The following RAI1 variants were observed in gnomAD, a reference collection of about 807,000 sequenced individuals.
The protein encoded by RAI1 is retinoic acid induced 1.
Under a neutral mutation model 123.8 loss-of-function variants are expected in RAI1, and 9 were observed. That is an observed-to-expected ratio of 0.07 (90% confidence interval 0.04 to 0.13). The LOEUF (loss-of-function observed/expected upper bound fraction) is 0.13, where lower values mean the gene tolerates loss of function less well. RAI1 is among the 10% of genes least tolerant of loss of function. The pLI is 1.00. For synonymous variants in RAI1, 1,231 were observed against 1,127.3 expected, an observed-to-expected ratio of 1.09 and a Z score of -1.84; for missense variants, 2,256 against 2,545.8, an observed-to-expected ratio of 0.89 and a Z score of 2.45.
intron 1 of RAI1, among the ~76,000 whole-genome samples, chr17:17,722,373 A>G (rs1915909025): frequency 6.6e-6 from 1 of 152,182 alleles, no homozygotes; most frequent in Non-Finnish European, 1.5e-5. Context: ...CGCCAGCTGC[A>G]CTCAGAACCC....
chr17:17,691,389 C>T (rs373602353), intron 1 of RAI1, among the ~76,000 whole-genome samples: 1 of 152,146 alleles, frequency 6.6e-6, no homozygotes, highest in South Asian at 2.1e-4. Context: ...AGCCCCTGCC[C>T]GTTTGAAGCA....
At chr17:17,789,621 T>C (rs1598083799) in intron 2 of RAI1, among the ~76,000 whole-genome samples, 3 of 152,322 alleles carry the variant, frequency 2.0e-5, no homozygotes, top group Middle Eastern at 6.8e-3. Context: ...TCATGCTCCC[T>C]GCTGTGCCTG....
intron 4 of RAI1, among the ~76,000 whole-genome samples, chr17:17,806,185 A>G (rs1011533324): frequency 1.3e-5 from 2 of 152,250 alleles, no homozygotes; most frequent in East Asian, 3.9e-4. Context: ...GGAGAAATCT[A>G]GGAAGACTTC....
chr17:17,722,423 C>T (rs1332986176), intron 1 of RAI1, among the ~76,000 whole-genome samples: 1 of 152,182 alleles, frequency 6.6e-6, no homozygotes, highest in Non-Finnish European at 1.5e-5. Flanking sequence ...TAATTACGTG[C>T]CCCCAGGGCT....
At chr17:17,781,390 G>A (rs1245578579) in intron 2 of RAI1, among the ~76,000 whole-genome samples, 1 of 152,224 alleles carries the variant, frequency 6.6e-6, no homozygotes, top group Non-Finnish European at 1.5e-5. Context: ...GCCCCAGGGG[G>A]GCCTCTGAGC....
Position 17,795,618 on chromosome 17 carries a change from G to A in RAI1, c.2670G>A (p.Pro890=), listed in dbSNP as rs373604738. ...SPEQRPGMQD[P]LSPKAPLICT... ...AGCAGAGGCCTGGCATGCAGGACCC[G>A]CTGTCACCCAAGGCCCCACTCATCT... The change falls in exon 3 of 6, where the codon CCG becomes CCA. Residue 890 remains proline (P), a synonymous_variant. Transcript: ENST00000353383. The surrounding 1 kb of genome is among the most constrained non-coding windows in gnomAD (Gnocchi z 5.9). 17 of 1,612,970 alleles carry A rather than the reference G, an allele frequency of 1.1e-5. No individual in the cohort carries two copies. The highest frequency in any genetic ancestry group is 4.0e-5 in the African/African-American group (3 of 74,918).
chr17:17,757,851 C>T (rs1375483960), intron 2 of RAI1, among the ~76,000 whole-genome samples: 5 of 152,198 alleles, frequency 3.3e-5, no homozygotes, highest in African/African-American at 1.2e-4. Flanking sequence ...AGTTTCCCCT[C>T]CCATGGAACA....
Position 17,753,074 on chromosome 17 carries a change from C to T in RAI1, c.-17+28915C>T, listed in dbSNP as rs570403243. On this transcript the variant is annotated intron_variant, in intron 2 of 5. Coordinates refer to ENST00000353383, the MANE Select transcript of RAI1 (RefSeq NM_030665.4). ...CAGACCCAGACACAGAAGAGTTTGT[C>T]TCCAAAGCCAGGGCACTGGGTCAGT... Among the ~76,000 whole-genome samples, 4 of 152,338 alleles carry T rather than the reference C, an allele frequency of 2.6e-5. No homozygotes were observed. The East Asian group carries it at 5.8e-4, about 22-fold the overall frequency.
At chr17:17,721,528 G>C (rs532384420) in intron 1 of RAI1, among the ~76,000 whole-genome samples, 1 of 152,320 alleles carries the variant, frequency 6.6e-6, no homozygotes, top group East Asian at 1.9e-4. Flanking sequence ...GGGGCAACAG[G>C]CTGGGACTGA....
rs998467869 is a variant in RAI1, at chr17:17,809,972, G to C, written c.5712G>C (p.Arg1904Ser). The change falls in exon 6 of 6, where the codon AGG becomes AGC. Residue 1904 changes from arginine (R) to serine (S), a missense_variant and splice_region_variant. By Grantham distance (110) the Arg-to-Ser change is moderately radical. Coordinates refer to ENST00000353383, the MANE Select transcript of RAI1 (RefSeq NM_030665.4). This position sits in a 1 kb window ranked among gnomAD's most constrained non-coding sequence, Gnocchi z 4.9. Reference protein sequence around the residue: ...NFSLKCPKHKRLP With the variant: ...NFSLKCPKHKSLP ...TGGCGGGCGGGCGTCTTTTGCAGAG[G>C]CTGCCGTAGTAATCCACCCCAACGG... is the stretch of plus-strand genomic sequence containing the variant. 1 of 1,553,666 alleles carries C rather than the reference G, an allele frequency of 6.4e-7. No homozygotes were observed. Among genetic ancestry groups the C allele is most frequent in the African/African-American group, 1.4e-5 (1 of 73,322 alleles).
At chr17:17,781,771 G>GGT (rs2031589625) in intron 2 of RAI1, among the ~76,000 whole-genome samples, 2 of 152,250 alleles carry the variant, frequency 1.3e-5, no homozygotes, top group African/African-American at 2.4e-5. Flanking sequence ...CTGTTTAAAT[G>GGT]GTGTGTTTGT....
chr17:17,751,129 C>A (rs1307578599), intron 2 of RAI1, among the ~76,000 whole-genome samples: 5 of 152,308 alleles, frequency 3.3e-5, no homozygotes, highest in African/African-American at 1.2e-4. Context: ...GCCCTCCATG[C>A]AGGAAAGCGG....
rs2032536690 is a variant in RAI1, at chr17:17,803,773, A to G, written c.5583A>G (p.Gln1861=). The G allele has an allele frequency of 6.2e-7, 1 of 1,613,326 alleles. No homozygotes were observed. Among genetic ancestry groups the G allele is most frequent in the African/African-American group, 1.3e-5 (1 of 74,920 alleles). The change falls in exon 4 of 6, where the codon CAA becomes CAG. Residue 1861 remains glutamine, a synonymous_variant. Transcript: ENST00000353383. ...VAVDMMCSSC[Q]EAGATIGCCH... is the part of the protein sequence containing the mutation. Reference sequence around the variant, plus strand: ...TTCATCAGATGTGTTCCAGCTGCCAAGAAGCCGGGGCCACCATTGGGTGCT... The same window carrying G: ...TTCATCAGATGTGTTCCAGCTGCCAGGAAGCCGGGGCCACCATTGGGTGCT...
At chr17:17,698,406 T>C (rs1480624616) in intron 1 of RAI1, among the ~76,000 whole-genome samples, 1 of 152,058 alleles carries the variant, frequency 6.6e-6, no homozygotes. Flanking sequence ...GTTGTCTCTG[T>C]CCCCCATCTA....
chr17:17,771,358 C>G (rs1024934437), intron 2 of RAI1, among the ~76,000 whole-genome samples: 8 of 152,156 alleles, frequency 5.3e-5, no homozygotes, highest in Admixed American at 3.9e-4. Context: ...ATGAAAGGCC[C>G]GACTAGCTGT....
At position 17,714,158 on chromosome 17, in the gene RAI1, T is replaced by C. The variant is rs1401175094; in HGVS notation, c.-148-9870T>C. The stretch of plus-strand genomic sequence containing the variant: ...CTGCCTGCTAGCAAGCTCTTCCTTA[T>C]ATGGAGGTGAAATCTGTCTTCCTGT... On this transcript the variant is annotated intron_variant, in intron 1 of 5. Coordinates refer to ENST00000353383, the MANE Select transcript of RAI1 (RefSeq NM_030665.4). The surrounding 1 kb of genome is among the most constrained non-coding windows in gnomAD (Gnocchi z 4.9). Among the ~76,000 whole-genome samples, 1 of 152,174 alleles carries C rather than the reference T, an allele frequency of 6.6e-6. No homozygotes were observed. The highest frequency in any genetic ancestry group is 1.5e-5 in the Non-Finnish European group (1 of 68,020).
chr17:17,691,384 C>T (rs1034690703), intron 1 of RAI1, among the ~76,000 whole-genome samples: 1 of 152,230 alleles, frequency 6.6e-6, no homozygotes, highest in African/African-American at 2.4e-5. Flanking sequence ...GATGGAGCCC[C>T]TGCCCGTTTG....
At chr17:17,682,702 C>T (rs1914479377) in intron 1 of RAI1, 1 of 152,336 alleles carries the variant, frequency 6.6e-6, no homozygotes, top group South Asian at 2.1e-4. Flanking sequence ...ACCAGCCAGG[C>T]CCTAGGCCGT....
intron 1 of RAI1, among the ~76,000 whole-genome samples, chr17:17,687,663 C>T (rs552193279): frequency 7.0e-4 from 106 of 152,282 alleles, no homozygotes; most frequent in Non-Finnish European, 1.3e-3. Context: ...CAGCATCCCT[C>T]GGGCAAGTCA....
Sources: allele counts gnomAD v4.1 joint callset (sites outside exome capture counted in the v4.1 genomes callset), GRCh38; gene constraint gnomAD v4.1.1; non-coding constraint Gnocchi (gnomAD v3.1); transcripts MANE v1.5; gene names NCBI Gene and HGNC (gene_info 2026-07-23, HGNC 2026-07-21).